Variants in CAPZA2 observed in about 807,000 individuals in gnomAD.
CAPZA2 encodes F-actin-capping protein subunit alpha-2.
Under a neutral mutation model 44.0 loss-of-function variants are expected in CAPZA2, and 13 were observed. The observed-to-expected ratio is 0.30, with a 90% CI of 0.19 to 0.47. The LOEUF (loss-of-function observed/expected upper bound fraction) is 0.47, where lower values mean the gene tolerates loss of function less well. CAPZA2 is among the 20% of genes least tolerant of loss of function. The pLI is 1.00. For synonymous variants in CAPZA2, 94 were observed against 108.2 expected, an observed-to-expected ratio of 0.87 and a Z score of 0.81; for missense variants, 244 against 338.6, an observed-to-expected ratio of 0.72 and a Z score of 2.19.
intron 1 of CAPZA2, chr7:116,874,080 A>G (rs935626119): frequency 2.0e-5 from 3 of 153,192 alleles, no homozygotes; most frequent in African/African-American, 4.8e-5. Context: ...TGCACTCACT[A>G]CTTTTTCTGA....
At chr7:116,864,310 C>G (rs1416358864) in intron 1 of CAPZA2, among the ~76,000 whole-genome samples, 1 of 151,952 alleles carries the variant, frequency 6.6e-6, no homozygotes, top group Non-Finnish European at 1.5e-5. Flanking sequence ...TTGTAAAGGC[C>G]TAAAATAAAA....
chr7:116,865,177 CTTTTT>C (rs1011886318), intron 1 of CAPZA2, among the ~76,000 whole-genome samples: 6 of 87,990 alleles, frequency 6.8e-5, no homozygotes, highest in East Asian at 4.0e-4. Context: ...GCGCTCTCTT[CTTTTT>C]TTTTTTTTTT....
At chr7:116,863,379 C>G (rs1259259074) in intron 1 of CAPZA2, among the ~76,000 whole-genome samples, 2 of 152,198 alleles carry the variant, frequency 1.3e-5, no homozygotes, top group African/African-American at 4.8e-5. Context: ...CAGCAGCCCC[C>G]CCCCGGGGGT....
At chr7:116,878,634 T>G (rs1796651253) in intron 1 of CAPZA2, among the ~76,000 whole-genome samples, 1 of 152,194 alleles carries the variant, frequency 6.6e-6, no homozygotes, top group Non-Finnish European at 1.5e-5. Context: ...TGTGTTGCTA[T>G]TACTGGTGTT....
rs367868854 is a variant in CAPZA2 at position 116,916,154 on chromosome 7, C to G, written c.720+32C>G. The G allele has an allele frequency of 6.5e-5, 97 of 1,486,282 alleles. No individual in the cohort carries two copies. In the African/African-American group the frequency reaches 1.4e-3, roughly 21 times the overall value. 92.1% of individuals were successfully genotyped at this position (1,486,282 alleles called of 1,614,324 possible). ...TTTTTTAAATATTATATAAGCTACA[C>G]TCACATATGAATTAATGTCACTGAA... On this transcript the variant is annotated intron_variant, in intron 9 of 9. Coordinates refer to ENST00000361183, the MANE Select transcript of CAPZA2 (RefSeq NM_006136.3).
At chr7:116,882,388 A>G (rs1318313222) in intron 1 of CAPZA2, among the ~76,000 whole-genome samples, 6 of 152,152 alleles carry the variant, frequency 3.9e-5, no homozygotes, top group Non-Finnish European at 8.8e-5. Context: ...TCTTTATGCC[A>G]GTATGGACTC....
chr7:116,918,095 G>A lies in CAPZA2; in HGVS notation c.*228G>A, dbSNP rs1791704731. 5.2e-6 allele frequency: 2 copies of A among 385,108 alleles called. No homozygotes were observed. The highest frequency in any genetic ancestry group is 9.5e-6 in the Non-Finnish European group (2 of 211,236). 23.9% of individuals were successfully genotyped at this position (385,108 alleles called of 1,614,324 possible). A position where few individuals can be genotyped will look rare whatever the true frequency, so the allele number is the denominator to read the frequency against. Reference sequence around the variant, plus strand: ...TTTAGTTTAAATGTCTTTCTGTTAGGCCTTTCTTTCTTACAATGAAGAGAT... The same window carrying A: ...TTTAGTTTAAATGTCTTTCTGTTAGACCTTTCTTTCTTACAATGAAGAGAT... On this transcript the variant is annotated 3_prime_UTR_variant, in exon 10 of 10. Coordinates refer to ENST00000361183, the MANE Select transcript of CAPZA2 (RefSeq NM_006136.3).
chr7:116,916,712 T>C (rs912336394), intron 9 of CAPZA2, among the ~76,000 whole-genome samples: 3 of 152,258 alleles, frequency 2.0e-5, no homozygotes, highest in Admixed American at 6.5e-5. Flanking sequence ...ACCAGAAGTG[T>C]TTTAGATTTC....
intron 1 of CAPZA2, among the ~76,000 whole-genome samples, chr7:116,879,551 A>G (rs966556297): frequency 1.4e-4 from 22 of 152,154 alleles, no homozygotes; most frequent in Non-Finnish European, 2.5e-4. Context: ...TTAGATTCTC[A>G]TAAGGAGTGC....
rs1791762248 is a variant in CAPZA2 at position 116,920,936 on chromosome 7, C to G, written c.*3069C>G. The G allele has an allele frequency of 1.3e-5, 2 of 152,104 alleles. No individual in the cohort carries two copies. Among genetic ancestry groups the G allele is most frequent in the African/African-American group, 4.8e-5 (2 of 41,388 alleles). 9.4% of individuals were successfully genotyped at this position (152,104 alleles called of 1,614,324 possible). A position where few individuals can be genotyped will look rare whatever the true frequency, so the allele number is the denominator to read the frequency against. Reference sequence around the variant, plus strand: ...TGTGGTTTTGCCCAGAGTGAATGACCACATGAAGAGGGGCAGGGTATGATG... The same window carrying G: ...TGTGGTTTTGCCCAGAGTGAATGACGACATGAAGAGGGGCAGGGTATGATG... On this transcript the variant is annotated 3_prime_UTR_variant, in exon 10 of 10. Transcript: ENST00000361183.
intron 4 of CAPZA2, 139 bp downstream of exon 4, chr7:116,898,974 T>G: frequency 2.2e-6 from 1 of 447,712 alleles, no homozygotes; most frequent in Non-Finnish European, 3.9e-6. Flanking sequence ...GTAATTGAAG[T>G]TTTACTTTCT....
intron 1 of CAPZA2, among the ~76,000 whole-genome samples, chr7:116,866,934 G>T (rs1796490538): frequency 6.6e-6 from 1 of 152,088 alleles, no homozygotes; most frequent in Non-Finnish European, 1.5e-5. Flanking sequence ...CACAAAGGGG[G>T]GTATAATCTA....
At chr7:116,906,091 A>G (rs559572211) in intron 5 of CAPZA2, among the ~76,000 whole-genome samples, 172 bp from the exon 6 acceptor site, 1 of 152,290 alleles carries the variant, frequency 6.6e-6, no homozygotes, top group South Asian at 2.1e-4. Context: ...TTGATTACGC[A>G]TAAATATTTG....
chr7:116,879,997 T>A, intron 1 of CAPZA2: 1 of 417,902 alleles, frequency 2.4e-6, no homozygotes, highest in Non-Finnish European at 4.8e-6. Context: ...CCAGGCACCA[T>A]TCTAAGCACT....
Position 116,877,185 on chromosome 7 carries a change from G to A in CAPZA2, c.40-10942G>A, listed in dbSNP as rs530381939. 3.9e-5 allele frequency among the ~76,000 whole-genome samples: 6 copies of A among 152,274 alleles called. No homozygotes were observed. The South Asian group carries it at 6.2e-4, about 16-fold the overall frequency. ...GAGCCTTAATTTTAGTCTTTAAACC[G>A]CAAGTCTCAATAGTGCTAGCCAGTT... On this transcript the variant is annotated intron_variant, in intron 1 of 9. Transcript: ENST00000361183.
chr7:116,890,157 T>C (rs143812482), intron 2 of CAPZA2, among the ~76,000 whole-genome samples: 6 of 152,284 alleles, frequency 3.9e-5, no homozygotes, highest in African/African-American at 1.2e-4. Context: ...GCCCTGCATA[T>C]TTAATCAGGA....
intron 1 of CAPZA2, among the ~76,000 whole-genome samples, chr7:116,881,978 T>C (rs1466122081): frequency 1.3e-5 from 2 of 152,162 alleles, no homozygotes; most frequent in Non-Finnish European, 2.9e-5. Flanking sequence ...GATAATTAGA[T>C]TCAGCCTATG....
At chr7:116,862,747 G>T (rs1278088952) in intron 1 of CAPZA2, 97 bp downstream of exon 1, 3 of 1,342,358 alleles carry the variant, frequency 2.2e-6, no homozygotes, top group Non-Finnish European at 3.1e-6. Context: ...GCATTGGCCC[G>T]CAGCTGGCCT....
chr7:116,882,592 T>C (rs188316679), intron 1 of CAPZA2, among the ~76,000 whole-genome samples: 13 of 152,330 alleles, frequency 8.5e-5, no homozygotes, highest in African/African-American at 2.6e-4. Flanking sequence ...TTATTTTTTT[T>C]CTCAGGGCTC....
Sources: gnomAD v4.1 joint callset for allele counts (sites outside exome capture counted in the v4.1 genomes callset) on GRCh38, gnomAD v4.1.1 for gene constraint, MANE v1.5 for transcripts, NCBI Gene and HGNC (gene_info 2026-07-23, HGNC 2026-07-21) for gene names.